D2HGDH: variants seen among roughly 807,000 people sequenced by gnomAD.
D2HGDH encodes the protein D-2-hydroxyglutarate dehydrogenase.
D2HGDH carries 31 observed loss-of-function variants against 46.9 expected under a neutral mutation model. The ratio of observed to expected loss-of-function variants is 0.66; its 90% CI spans 0.50 to 0.89. The LOEUF (loss-of-function observed/expected upper bound fraction) is 0.89, where lower values mean the gene tolerates loss of function less well. Among genes scored for constraint, D2HGDH ranks in the 40% least tolerant of loss-of-function variants. D2HGDH has a pLI of 0.00. For missense variants in D2HGDH, 698 were observed against 720.8 expected, an observed-to-expected ratio of 0.97 and a Z score of 0.36; for synonymous variants, 364 against 332.6, an observed-to-expected ratio of 1.09 and a Z score of -1.03.
chr2:241,737,718 C>T lies in D2HGDH; in HGVS notation c.292+2202C>T, dbSNP rs986693705. Among the ~76,000 whole-genome samples, 5 of 152,192 alleles carry T rather than the reference C, an allele frequency of 3.3e-5. No individual in the cohort carries two copies. In the East Asian group the frequency reaches 9.6e-4, roughly 29 times the overall value. On this transcript the variant is annotated intron_variant, in intron 2 of 9. Coordinates refer to ENST00000321264, the MANE Select transcript of D2HGDH (RefSeq NM_152783.5). ...CCAGCCTGAGCAACATGGTGAAACT[C>T]TATCTCTACAGAAAATTAAAAATTA...
At chr2:241,756,657 G>A (rs1211778731) in intron 9 of D2HGDH, among the ~76,000 whole-genome samples, 1 of 152,184 alleles carries the variant, frequency 6.6e-6, no homozygotes, top group Non-Finnish European at 1.5e-5. Context: ...GAGTCTCTGG[G>A]ATTACAGGCG....
Position 241,743,329 on chromosome 2 carries a change from G to A in D2HGDH, c.491-293G>A, listed in dbSNP as rs1463853860. Among the ~76,000 whole-genome samples the A allele has an allele frequency of 6.6e-6, 1 of 152,258 alleles. No individual in the cohort carries two copies. Among genetic ancestry groups the A allele is most frequent in the Non-Finnish European group, 1.5e-5 (1 of 68,042 alleles). The stretch of plus-strand genomic sequence containing the variant: ...CCAGGGCAGGATCAGCCCCAGCTGA[G>A]AATCTTCCCTCTTCTACTCCTTTCC... On this transcript the variant is annotated intron_variant, in intron 4 of 9. Coordinates refer to ENST00000321264, the MANE Select transcript of D2HGDH (RefSeq NM_152783.5). The surrounding 1 kb of genome is among the most constrained non-coding windows in gnomAD (Gnocchi z 4.8).
At chr2:241,763,213 G>A (rs1322851123) in intron 9 of D2HGDH, among the ~76,000 whole-genome samples, 2 of 152,204 alleles carry the variant, frequency 1.3e-5, no homozygotes, top group African/African-American at 4.8e-5. Context: ...AGGTGGTTTC[G>A]TTTTGTGTGA....
chr2:241,743,589 C>T lies in D2HGDH; in HGVS notation c.491-33C>T, dbSNP rs1408755143. ...ACCAGCCCGGGGGCCCACTGGAAGC[C>T]AAGTGCTGCGGCAGCCTGGTCACTC... On this transcript the variant is annotated intron_variant, in intron 4 of 9. Transcript: ENST00000321264. This position sits in a 1 kb window ranked among gnomAD's most constrained non-coding sequence, Gnocchi z 4.8. 1.2e-6 allele frequency: 2 copies of T among 1,603,932 alleles called. No individual in the cohort carries two copies. Among genetic ancestry groups the T allele is most frequent in the South Asian group, 1.1e-5 (1 of 89,432 alleles).
chr2:241,763,394 AG>A lies in D2HGDH; in HGVS notation c.1307-4313del, dbSNP rs1262587490. On this transcript the variant is annotated intron_variant, in intron 9 of 9. Coordinates refer to ENST00000321264, the MANE Select transcript of D2HGDH (RefSeq NM_152783.5). ...TGAACACAAAAGCTAATCCTAGAAA[AG>A]GGACCGTAAAAGTATGGTATAAAAG... Among the ~76,000 whole-genome samples, 7 of 152,320 alleles carry A rather than the reference AG, an allele frequency of 4.6e-5. No individual in the cohort carries two copies. In the East Asian group the frequency reaches 1.4e-3, roughly 29 times the overall value.
chr2:241,742,606 G>GTC lies in D2HGDH; in HGVS notation c.490+33_490+34dup, dbSNP rs1694782997. The stretch of plus-strand genomic sequence containing the variant: ...CTGTGCCACCCGTCGGGGCCCAGGA[G>GTC]TCCCTCCTGGTGCTGGTGGAGTTCT... On this transcript the variant is annotated intron_variant, in intron 4 of 9. Transcript: ENST00000321264. The surrounding 1 kb of genome is among the most constrained non-coding windows in gnomAD (Gnocchi z 4.8). The GTC allele has an allele frequency of 6.2e-7, 1 of 1,613,694 alleles. No individual in the cohort carries two copies. The highest frequency in any genetic ancestry group is 1.6e-4 in the Middle Eastern group (1 of 6,062).
At chr2:241,744,057 G>A (rs888063557) in intron 5 of D2HGDH, among the ~76,000 whole-genome samples, 3 of 152,192 alleles carry the variant, frequency 2.0e-5, no homozygotes, top group Admixed American at 2.0e-4. Flanking sequence ...CACACAGAGA[G>A]GATGCAGTTA....
Position 241,742,195 on chromosome 2 carries a change from T to A in D2HGDH, c.351-240T>A, listed in dbSNP as rs905377531. Among the ~76,000 whole-genome samples the A allele has an allele frequency of 3.9e-5, 6 of 152,130 alleles. No individual in the cohort carries two copies. The highest frequency in any genetic ancestry group is 8.8e-5 in the Non-Finnish European group (6 of 68,002). On this transcript the variant is annotated intron_variant, in intron 3 of 9. Coordinates refer to ENST00000321264, the MANE Select transcript of D2HGDH (RefSeq NM_152783.5). This position sits in a 1 kb window ranked among gnomAD's most constrained non-coding sequence, Gnocchi z 4.8. ...GACGTTCTGTCCTTTGAGGGAAGCC[T>A]TGTAGGACGTCAGAATCGGGGCCTC...
chr2:241,735,467 C>T lies in D2HGDH; in HGVS notation c.243C>T (p.Asp81=). The T allele has an allele frequency of 1.9e-6, 3 of 1,609,380 alleles. No homozygotes were observed. Among genetic ancestry groups the T allele is most frequent in the Non-Finnish European group, 2.5e-6 (3 of 1,179,748 alleles). Residue 81 remains aspartate (D), a synonymous_variant, in exon 2 of 10, where the codon GAC becomes GAT. Transcript: ENST00000321264. The stretch of plus-strand genomic sequence containing the variant: ...TCGTGCCCGGCGGGGTCGTCACGGA[C>T]CCGGAAGCGCTGCAGGCTCCCAACG... ...ERIVPGGVVT[D]PEALQAPNVD...
intron 8 of D2HGDH, among the ~76,000 whole-genome samples, chr2:241,753,418 G>T (rs1412434066): frequency 1.3e-5 from 2 of 151,852 alleles, no homozygotes; most frequent in African/African-American, 4.8e-5. Context: ...CTGTTGTCCA[G>T]CATTGGCGAG....
intron 6 of D2HGDH, among the ~76,000 whole-genome samples, chr2:241,747,775 C>T (rs1026571946): frequency 3.9e-5 from 6 of 152,116 alleles, no homozygotes; most frequent in Admixed American, 3.9e-4. Flanking sequence ...GATGCCCAGG[C>T]TGGTCTTGAA....
Position 241,742,998 on chromosome 2 carries a change from A to G in D2HGDH, c.490+424A>G, listed in dbSNP as rs6756190. Among the ~76,000 whole-genome samples, 4,458 of 43,286 alleles carry G rather than the reference A, an allele frequency of 0.1. 405 individuals carry two copies. The highest frequency in any genetic ancestry group is 0.17 in the African/African-American group (742 of 4,286). The allele number at this position is 43,286 out of a possible 152,430, so 28.4% of individuals were successfully genotyped here. ...CCCAGGGCGCCAGAGCGTGGCAGGC[A>G]TGAGGGGATCCTGACCCAGGGCGCC... On this transcript the variant is annotated intron_variant, in intron 4 of 9. Coordinates refer to ENST00000321264, the MANE Select transcript of D2HGDH (RefSeq NM_152783.5). The surrounding 1 kb of genome is among the most constrained non-coding windows in gnomAD (Gnocchi z 4.8).
intron 6 of D2HGDH, among the ~76,000 whole-genome samples, chr2:241,748,036 C>T (rs1459611060): frequency 6.6e-6 from 1 of 152,210 alleles, no homozygotes; most frequent in Non-Finnish European, 1.5e-5. Context: ...GCTAGCGGGG[C>T]AAGGGCTGTC....
At chr2:241,755,650 T>C (rs2125156964) in intron 8 of D2HGDH, 199 bp from the exon 9 acceptor site, 2 of 1,538,652 alleles carry the variant, frequency 1.3e-6, no homozygotes, top group Admixed American at 2.0e-5. Context: ...CTGTCCTGGG[T>C]CAGAGCCCCT....
chr2:241,767,987 G>C lies in D2HGDH; in HGVS notation c.*18G>C. On this transcript the variant is annotated 3_prime_UTR_variant, in exon 10 of 10. Coordinates refer to ENST00000321264, the MANE Select transcript of D2HGDH (RefSeq NM_152783.5). Reference sequence around the variant, plus strand: ...AGGCCTGACGGCCACTCCTGCTGCTGCCAAGGCCCACTGGGGGTCGGCGGG... The same window carrying C: ...AGGCCTGACGGCCACTCCTGCTGCTCCCAAGGCCCACTGGGGGTCGGCGGG... 6.3e-7 allele frequency: 1 copy of C among 1,576,800 alleles called. No homozygotes were observed. The highest frequency in any genetic ancestry group is 1.1e-5 in the South Asian group (1 of 87,628).
chr2:241,739,678 G>A (rs925243966), intron 2 of D2HGDH, among the ~76,000 whole-genome samples: 2 of 152,230 alleles, frequency 1.3e-5, no homozygotes, highest in African/African-American at 4.8e-5. Context: ...TAGCAACACC[G>A]GCGAACTAGC....
chr2:241,764,232 G>C (rs1699082420), intron 9 of D2HGDH, among the ~76,000 whole-genome samples: 1 of 152,212 alleles, frequency 6.6e-6, no homozygotes, highest in African/African-American at 2.4e-5. Context: ...GGTCCCTGCT[G>C]TACTCCCTGC....
chr2:241,748,827 G>T (rs571049498), intron 6 of D2HGDH: 3 of 1,202,924 alleles, frequency 2.5e-6, no homozygotes, highest in Admixed American at 3.2e-5. Flanking sequence ...CTTCATCCAG[G>T]TTTTCTGTGT....
chr2:241,758,762 A>G (rs1027925890), intron 9 of D2HGDH, among the ~76,000 whole-genome samples: 1 of 104,988 alleles, frequency 9.5e-6, no homozygotes, highest in Non-Finnish European at 2.0e-5. Context: ...CCCCCGCCCC[A>G]CAATATATGT....
Sources: gnomAD v4.1 joint callset for allele counts (sites outside exome capture counted in the v4.1 genomes callset) on GRCh38, gnomAD v4.1.1 for gene constraint, Gnocchi (gnomAD v3.1) non-coding constraint, MANE v1.5 for transcripts, NCBI Gene and HGNC (gene_info 2026-07-23, HGNC 2026-07-21) for gene names.